The following SLC5A11 variants were observed in gnomAD, a reference collection of about 807,000 sequenced individuals.
SLC5A11 encodes solute carrier family 5 member 11, also known as sodium/myo-inositol cotransporter 2.
Under a neutral mutation model 69.8 loss-of-function variants are expected in SLC5A11, and 48 were observed. The observed-to-expected ratio is 0.69, with a 90% CI of 0.55 to 0.87. The LOEUF (loss-of-function observed/expected upper bound fraction) is 0.87, where lower values mean the gene tolerates loss of function less well. Ranked by LOEUF, SLC5A11 falls within the 40% of genes least tolerant of loss-of-function variation. The probability of loss-of-function intolerance (pLI) is 0.00; values close to 1 mark genes in which losing one functional copy is unlikely to be tolerated. For synonymous variants in SLC5A11, 319 were observed against 342.4 expected (o/e 0.93, Z 0.75); for missense variants, 784 against 866.1 (o/e 0.91, Z 1.19).
At chr16:24,905,148 C>G (rs1567692875) in intron 10 of SLC5A11, among the ~76,000 whole-genome samples, 1 of 151,310 alleles carries the variant, frequency 6.6e-6, no homozygotes, top group Non-Finnish European at 1.5e-5. Flanking sequence ...AAGAGAGAAG[C>G]AAAACAACCC....
chr16:24,900,714 A>G (rs902080064), intron 10 of SLC5A11, among the ~76,000 whole-genome samples: 4 of 152,082 alleles, frequency 2.6e-5, no homozygotes, highest in African/African-American at 9.7e-5. Context: ...AGAGTTCAAG[A>G]CCATCGTGGG....
intron 1 of SLC5A11, among the ~76,000 whole-genome samples, chr16:24,851,790 C>G (rs1461632533): frequency 1.3e-5 from 2 of 152,054 alleles, no homozygotes; most frequent in Non-Finnish European, 2.9e-5. Context: ...GTGACTTGCC[C>G]ACGATGAAGG....
At chr16:24,857,594 G>A (rs578091474) in intron 1 of SLC5A11, among the ~76,000 whole-genome samples, 1 of 152,258 alleles carries the variant, frequency 6.6e-6, no homozygotes, top group Admixed American at 6.5e-5. Context: ...TTGGCTTGTA[G>A]CTCCATTACC....
intron 10 of SLC5A11, among the ~76,000 whole-genome samples, chr16:24,902,151 A>T (rs141728018): frequency 1.6e-4 from 24 of 152,202 alleles, no homozygotes; most frequent in African/African-American, 5.8e-4. Flanking sequence ...GACTGTGCTA[A>T]ATGCCAGGAG....
intron 6 of SLC5A11, 110 bp from the exon 8 acceptor site, chr16:24,877,148 T>G (rs1170579105): frequency 6.5e-7 from 1 of 1,539,364 alleles, no homozygotes; most frequent in Non-Finnish European, 8.8e-7. Flanking sequence ...GACTCTTCTG[T>G]GTTTGTCAGC....
chr16:24,880,482 G>A (rs1031658174), intron 7 of SLC5A11, among the ~76,000 whole-genome samples: 15 of 152,096 alleles, frequency 9.9e-5, no homozygotes, highest in African/African-American at 3.4e-4. Flanking sequence ...TTACAGGCAC[G>A]TGCCACCATG....
chr16:24,885,494 T>G (rs1031181781), intron 8 of SLC5A11, among the ~76,000 whole-genome samples: 2 of 151,654 alleles, frequency 1.3e-5, no homozygotes, highest in Admixed American at 1.3e-4. Flanking sequence ...AAAATAAACA[T>G]AAACTTACCC....
At chr16:24,853,126 C>G (rs982417595) in intron 1 of SLC5A11, among the ~76,000 whole-genome samples, 24 of 151,630 alleles carry the variant, frequency 1.6e-4, no homozygotes, top group African/African-American at 5.8e-4. Flanking sequence ...ACTGAGTCCC[C>G]AGGGTCTAGC....
intron 2 of SLC5A11, 51 bp from the exon 4 acceptor site, chr16:24,862,550 C>A: frequency 2.0e-6 from 3 of 1,526,484 alleles, no homozygotes; most frequent in South Asian, 2.3e-5. Context: ...TTTTGAGATG[C>A]CTCTGATTGC....
chr16:24,900,730 A>G (rs1271544323), intron 10 of SLC5A11, among the ~76,000 whole-genome samples: 3 of 152,012 alleles, frequency 2.0e-5, no homozygotes, highest in African/African-American at 7.2e-5. Flanking sequence ...GTGGGTAACG[A>G]TACCAGACCC....
exon 8 of SLC5A11, chr16:24,884,111 C>G (rs2048234169): frequency 1.5e-5 from 25 of 1,614,072 alleles, no homozygotes; most frequent in East Asian, 4.5e-5. Flanking sequence ...CTTATAGGAG[C>G]GCTCACCTTG....
At position 24,875,535 on chromosome 16, in the gene SLC5A11, G is replaced by A. The variant is rs1051571060; in HGVS notation, c.373-92G>A. ...GAAGACCATCTGTGCTCTGAGTTGC[G>A]GGGGCAGGAGCAGATGGGAAGGGCT... On this transcript the variant is annotated intron_variant, in intron 5 of 15. Coordinates refer to ENST00000347898, the Ensembl canonical transcript of SLC5A11. 3.4e-5 allele frequency: 32 copies of A among 954,750 alleles called. No individual in the cohort carries two copies. Among genetic ancestry groups the A allele is most frequent in the Non-Finnish European group, 4.3e-5 (26 of 610,424 alleles). The allele number at this position is 954,750 out of a possible 1,614,324, so 59.1% of individuals were successfully genotyped here. A position where few individuals can be genotyped will look rare whatever the true frequency, so the allele number is the denominator to read the frequency against.
At chr16:24,911,359 G>A (rs2050512855) in exon 16 of SLC5A11, 1 of 1,613,950 alleles carries the variant, frequency 6.2e-7, no homozygotes, top group Non-Finnish European at 8.5e-7. Flanking sequence ...CCAAAGTGGT[G>A]AAGGCCATCC....
chr16:24,900,941 G>A (rs274099), intron 10 of SLC5A11, among the ~76,000 whole-genome samples: 34,527 of 146,884 alleles, frequency 0.24, 4,540 homozygotes, highest in East Asian at 0.45. Context: ...AAAAAAAAAG[G>A]AAAGAATATG....
chr16:24,860,241 C>T (rs147552310), intron 2 of SLC5A11, among the ~76,000 whole-genome samples: 2,316 of 152,096 alleles, frequency 0.015, 28 homozygotes, highest in South Asian at 0.047. Context: ...GAGCCGAGAT[C>T]GTGCCACTGC....
chr16:24,850,004 C>T (rs2059229738), intron 1 of SLC5A11, among the ~76,000 whole-genome samples: 2 of 152,118 alleles, frequency 1.3e-5, no homozygotes, highest in South Asian at 4.2e-4. Flanking sequence ...GTGGTGCAAT[C>T]ACAGCTCACT....
intron 13 of SLC5A11, among the ~76,000 whole-genome samples, chr16:24,908,527 G>A (rs1475999179): frequency 2.7e-5 from 4 of 147,756 alleles, no homozygotes; most frequent in South Asian, 2.1e-4. Context: ...GAACCTGGGG[G>A]GCAGAGGTTG....
chr16:24,851,086 C>T (rs986493629), intron 1 of SLC5A11, among the ~76,000 whole-genome samples: 3 of 150,918 alleles, frequency 2.0e-5, no homozygotes, highest in African/African-American at 7.3e-5. Flanking sequence ...GCTGGGATTA[C>T]AGGCATAAGC....
chr16:24,865,876 C>G (rs1386972606), intron 3 of SLC5A11, among the ~76,000 whole-genome samples: 4 of 151,158 alleles, frequency 2.6e-5, no homozygotes, highest in African/African-American at 9.7e-5. Context: ...ATATAACATA[C>G]AGTATAAATT....
Sources: gnomAD v4.1 joint callset for allele counts (sites outside exome capture counted in the v4.1 genomes callset) on GRCh38, gnomAD v4.1.1 for gene constraint, MANE v1.5 for transcripts, NCBI Gene and HGNC (gene_info 2026-07-23, HGNC 2026-07-21) for gene names.